TMEM235: variants seen among roughly 807,000 people sequenced by gnomAD.
The protein encoded by TMEM235 is transmembrane protein 235.
A neutral mutation model predicts 22.9 loss-of-function variants in TMEM235; 23 were observed. The ratio of observed to expected loss-of-function variants is 1.00; its 90% confidence interval spans 0.72 to 1.42. The LOEUF (loss-of-function observed/expected upper bound fraction) is 1.42, where lower values mean the gene tolerates loss of function less well. Ranked by LOEUF, TMEM235 falls within the 40% of genes most tolerant of loss-of-function variation. The pLI is 0.00. For missense variants in TMEM235, 308 were observed against 299.5 expected, an observed-to-expected ratio of 1.03 and a Z score of -0.21; for synonymous variants, 137 against 140.5, an observed-to-expected ratio of 0.98 and a Z score of 0.17.
chr17:78,236,553 C>G (rs1362115410), intron 4 of TMEM235, among the ~76,000 whole-genome samples: 1 of 152,228 alleles, frequency 6.6e-6, no homozygotes, highest in African/African-American at 2.4e-5. Flanking sequence ...AGGGCCTGGG[C>G]TCCCCTTCAC....
intron 5 of TMEM235, 38 bp from the exon 5 acceptor site, chr17:78,239,742 T>C: frequency 6.6e-7 from 1 of 1,519,936 alleles, no homozygotes; most frequent in Non-Finnish European, 8.9e-7. Context: ...AGCCCCGCAA[T>C]GGCCCTACTC....
rs2076625686 is a variant in TMEM235 at position 78,234,819 on chromosome 17, C to T, written c.409+89C>T. 3.4e-6 allele frequency: 5 copies of T among 1,487,884 alleles called. No individual in the cohort carries two copies. In the African/African-American group the frequency reaches 4.1e-5, roughly 12 times the overall value. 92.2% of individuals were successfully genotyped at this position (1,487,884 alleles called of 1,614,324 possible). On this transcript the variant is annotated intron_variant, in intron 4 of 5. Coordinates refer to ENST00000421688, the Ensembl canonical transcript of TMEM235. Reference sequence around the variant, plus strand: ...GGGGTGCTGCCTCTCCTGTTGCCCTCGTCCCCTGCTCCCTTCTGGGCGGGT... The same window carrying T: ...GGGGTGCTGCCTCTCCTGTTGCCCTTGTCCCCTGCTCCCTTCTGGGCGGGT...
At chr17:78,232,255 G>C (rs535553040) in intron 2 of TMEM235, 42 bp downstream of exon 1, 2 of 1,414,232 alleles carry the variant, frequency 1.4e-6, no homozygotes, top group Non-Finnish European at 1.8e-6. Context: ...CCGCGACCTC[G>C]TCCCTCCGAC....
At chr17:78,236,975 G>A (rs753476080) in intron 4 of TMEM235, among the ~76,000 whole-genome samples, 5 of 152,182 alleles carry the variant, frequency 3.3e-5, no homozygotes, top group Admixed American at 1.3e-4. Flanking sequence ...GAGGACCTTC[G>A]GGAGCCAGCG....
intron 2 of TMEM235, among the ~76,000 whole-genome samples, chr17:78,233,303 A>G (rs2076604906): frequency 6.6e-6 from 1 of 152,216 alleles, no homozygotes; most frequent in African/African-American, 2.4e-5. Flanking sequence ...CCTGAGTTCC[A>G]CACACAAACG....
At position 78,231,820 on chromosome 17, in the gene TMEM235, G is replaced by T. The variant is rs567378559; in HGVS notation, c.-204G>T. The T allele has an allele frequency of 1.1e-4, 135 of 1,204,944 alleles. No homozygotes were observed. In the South Asian group the frequency reaches 1.8e-3, roughly 16 times the overall value. 74.6% of individuals were successfully genotyped at this position (1,204,944 alleles called of 1,614,324 possible). On this transcript the variant is annotated 5_prime_UTR_variant, in exon 2 of 6. Coordinates refer to ENST00000421688, the Ensembl canonical transcript of TMEM235. The stretch of plus-strand genomic sequence containing the variant: ...CCTTTCCCCCAGGGGCGAGCTCAGC[G>T]ACCGCAGAGAGGTGGGGTCGATCTC...
In TMEM235 at chr17:78,238,141, G is replaced by T. The variant is rs141396484; in HGVS notation, c.410-883G>T. On this transcript the variant is annotated intron_variant, in intron 4 of 5. Transcript: ENST00000421688. This position sits in a 1 kb window ranked among gnomAD's most constrained non-coding sequence, Gnocchi z 4.3. ...ATCAGCCTGAAGCTGTGGGAAGGGGGTGGCACTCCGGGCTGGTTCCTCCAA... is the reference window on the plus strand; with the variant it reads ...ATCAGCCTGAAGCTGTGGGAAGGGGTTGGCACTCCGGGCTGGTTCCTCCAA... Among the ~76,000 whole-genome samples the T allele has an allele frequency of 5.5e-4, 84 of 152,350 alleles. 1 individual carries two copies. The highest frequency in any genetic ancestry group is 1.9e-3 in the African/African-American group (78 of 41,582).
chr17:78,236,449 A>G (rs2076644854), intron 4 of TMEM235, among the ~76,000 whole-genome samples: 1 of 152,152 alleles, frequency 6.6e-6, no homozygotes, highest in Non-Finnish European at 1.5e-5. Flanking sequence ...CTCTGACTAC[A>G]TGCCGAGTGC....
At chr17:78,231,751 G>C in exon 2 of TMEM235, 1 of 1,232,908 alleles carries the variant, frequency 8.1e-7, no homozygotes, top group South Asian at 1.4e-5. Context: ...CGCTGGGATT[G>C]GAGCCCAAGC....
At position 78,239,021 on chromosome 17, in the gene TMEM235, C is replaced by T. The variant is rs959968246; in HGVS notation, c.410-3C>T. 7 of 1,537,730 alleles carry T rather than the reference C, an allele frequency of 4.6e-6. No homozygotes were observed. The highest frequency in any genetic ancestry group is 2.5e-5 in the East Asian group (1 of 40,798). ...GCAGCTGCCCTCCCCATCTCTCCCC[C>T]AGGTGTCCTGACACTGGCGGGGGTC... On this transcript the variant is annotated splice_polypyrimidine_tract_variant and splice_region_variant and intron_variant, in intron 4 of 5. Transcript: ENST00000421688.
At chr17:78,234,781 A>C in intron 4 of TMEM235, 51 bp downstream of exon 3, 2 of 1,532,404 alleles carry the variant, frequency 1.3e-6, no homozygotes, top group Non-Finnish European at 1.7e-6. Flanking sequence ...GCTGGGCCAC[A>C]GGTCCCGGGA....
intron 5 of TMEM235, 93 bp downstream of exon 4, chr17:78,239,366 T>C (rs2076683868): frequency 7.1e-7 from 1 of 1,404,046 alleles, no homozygotes; most frequent in African/African-American, 1.4e-5. Flanking sequence ...TCTCTGGGCC[T>C]CGCTGGGGTC....
exon 2 of TMEM235, chr17:78,231,545 C>A (rs1246065936): frequency 2.3e-6 from 3 of 1,304,052 alleles, no homozygotes; most frequent in Non-Finnish European, 1.0e-6. Context: ...GGCTCCTATG[C>A]TTCCAGGAGC....
In TMEM235 at chr17:78,237,986, G is replaced by A. The variant is rs542214829; in HGVS notation, c.410-1038G>A. Among the ~76,000 whole-genome samples, 144 of 152,328 alleles carry A rather than the reference G, an allele frequency of 9.5e-4. No individual in the cohort carries two copies. The highest frequency in any genetic ancestry group is 1.7e-3 in the Non-Finnish European group (117 of 68,022). The stretch of plus-strand genomic sequence containing the variant: ...TGGCCCTGAATGTCAGCTTGGGTCA[G>A]TTGCCTTCTTTTGGCTGGGCAGTGC... On this transcript the variant is annotated intron_variant, in intron 4 of 5. Coordinates refer to ENST00000421688, the Ensembl canonical transcript of TMEM235. This position sits in a 1 kb window ranked among gnomAD's most constrained non-coding sequence, Gnocchi z 4.7.
At position 78,237,274 on chromosome 17, in the gene TMEM235, G is replaced by C. The variant is rs953928415; in HGVS notation, c.410-1750G>C. Among the ~76,000 whole-genome samples the C allele has an allele frequency of 2.0e-5, 3 of 152,138 alleles. No homozygotes were observed. The highest frequency in any genetic ancestry group is 2.1e-4 in the South Asian group (1 of 4,828). On this transcript the variant is annotated intron_variant, in intron 4 of 5. Transcript: ENST00000421688. The surrounding 1 kb of genome is among the most constrained non-coding windows in gnomAD (Gnocchi z 4.7). ...CACCCCTCACTAGCACTGCAAGGAG[G>C]GGGAGGGAGATAGAGGGCCCCAGAT...
rs551364670 is a variant in TMEM235, at chr17:78,231,734, G to A, written c.-290G>A. 1.4e-5 allele frequency: 17 copies of A among 1,241,936 alleles called. No individual in the cohort carries two copies. In the South Asian group the frequency reaches 2.2e-4, roughly 16 times the overall value. The allele number at this position is 1,241,936 out of a possible 1,614,324, so 76.9% of individuals were successfully genotyped here. A position where few individuals can be genotyped will look rare whatever the true frequency, so the allele number is the denominator to read the frequency against. On this transcript the variant is annotated 5_prime_UTR_variant, in exon 2 of 6. It adds an upstream start codon to the 5' untranslated region. Coordinates refer to ENST00000421688, the Ensembl canonical transcript of TMEM235. Reference sequence around the variant, plus strand: ...GTGCCCAGGGACCCGGGGCCAGCCCGTGGGGACGCTGGGATTGGAGCCCAA... The same window carrying A: ...GTGCCCAGGGACCCGGGGCCAGCCCATGGGGACGCTGGGATTGGAGCCCAA...
chr17:78,239,803 G>T, exon 6 of TMEM235: 1 of 1,549,062 alleles, frequency 6.5e-7, no homozygotes, highest in South Asian at 1.2e-5. Flanking sequence ...GGCCCAGAGC[G>T]GCAGAGGGAC....
At chr17:78,234,611 T>A in exon 4 of TMEM235, 3 of 1,536,200 alleles carry the variant, frequency 2.0e-6, no homozygotes, top group Middle Eastern at 1.7e-4. Flanking sequence ...CGTGCAGTCA[T>A]TGTGGTCCTG....
intron 2 of TMEM235, among the ~76,000 whole-genome samples, chr17:78,233,059 A>G (rs1006620170): frequency 6.6e-6 from 1 of 152,168 alleles, no homozygotes; most frequent in African/African-American, 2.4e-5. Flanking sequence ...CCTCAGTGCA[A>G]CTGGGGAGGA....
Sources: allele counts gnomAD v4.1 joint callset (sites outside exome capture counted in the v4.1 genomes callset), GRCh38; gene constraint gnomAD v4.1.1; non-coding constraint Gnocchi (gnomAD v3.1); transcripts MANE v1.5; gene names NCBI Gene and HGNC (gene_info 2026-07-23, HGNC 2026-07-21).